CHCHD3: variants seen among roughly 807,000 people sequenced by gnomAD.
CHCHD3 encodes MICOS complex subunit MIC19.
CHCHD3 carries 20 observed loss-of-function variants against 38.2 expected under a neutral mutation model. The observed-to-expected ratio is 0.52, with a 90% CI of 0.37 to 0.76. The LOEUF (loss-of-function observed/expected upper bound fraction) is 0.76, where lower values mean the gene tolerates loss of function less well. Ranked by LOEUF, CHCHD3 falls within the 30% of genes least tolerant of loss-of-function variation. CHCHD3 has a pLI of 0.00. For missense variants in CHCHD3, 245 were observed against 279.2 expected (o/e 0.88, Z 0.87); for synonymous variants, 82 against 100.0 (o/e 0.82, Z 1.07).
At chr7:132,990,668 C>T (rs116541326) in intron 3 of CHCHD3, among the ~76,000 whole-genome samples, 120 of 152,170 alleles carry the variant, frequency 7.9e-4, no homozygotes, top group African/African-American at 2.8e-3. Context: ...TTTGCACTTA[C>T]GTTTCTTTTT....
At chr7:132,813,011 A>AT (rs55749035) in intron 6 of CHCHD3, among the ~76,000 whole-genome samples, 152,347 of 152,348 alleles carry the variant, frequency 1, 76,173 homozygotes, top group Middle Eastern at 1. Context: ...CTCTCATAGC[A>AT]TTGACAGCAC....
intron 4 of CHCHD3, among the ~76,000 whole-genome samples, chr7:132,931,575 C>T (rs887831752): frequency 1.3e-5 from 2 of 151,988 alleles, no homozygotes; most frequent in Non-Finnish European, 2.9e-5. Context: ...TACTTTTTAG[C>T]CTTCCGTATA....
chr7:132,907,076 A>G (rs770309586), intron 4 of CHCHD3, among the ~76,000 whole-genome samples: 1 of 152,252 alleles, frequency 6.6e-6, no homozygotes, highest in Non-Finnish European at 1.5e-5. Context: ...AAAATAATTT[A>G]CACACCTGAA....
intron 2 of CHCHD3, 57 bp downstream of exon 2, chr7:133,070,085 A>T (rs1482997495): frequency 7.4e-7 from 1 of 1,347,338 alleles, no homozygotes; most frequent in Non-Finnish European, 1.0e-6. Flanking sequence ...TATTGAGTCA[A>T]CTTTTTCCAC....
At position 132,953,690 on chromosome 7, in the gene CHCHD3, C is replaced by T. The variant is rs1811087363; in HGVS notation, c.369+21479G>A. ...AGTGAGCTCCTGTTGCATGTAAATC[C>T]CAGTATGGAAATGCAAGTATAAATA... On this transcript the variant is annotated intron_variant, in intron 4 of 7. Transcript: ENST00000262570. Among the ~76,000 whole-genome samples, 4 of 152,146 alleles carry T rather than the reference C, an allele frequency of 2.6e-5. 1 individual carries two copies. The highest frequency in any genetic ancestry group is 2.6e-4 in the Admixed American group (4 of 15,278).
intron 4 of CHCHD3, among the ~76,000 whole-genome samples, chr7:132,925,094 G>A (rs1810343623): frequency 6.6e-6 from 1 of 152,182 alleles, no homozygotes; most frequent in African/African-American, 2.4e-5. Context: ...GGAAATAGGT[G>A]AGGGAGCTTT....
intron 4 of CHCHD3, among the ~76,000 whole-genome samples, chr7:132,961,026 C>T (rs867185746): frequency 1.8e-4 from 27 of 152,250 alleles, no homozygotes; most frequent in African/African-American, 6.0e-4. Flanking sequence ...CACCTGTCAT[C>T]CCAGCACTTT....
At chr7:133,063,566 G>C (rs536830873) in intron 2 of CHCHD3, among the ~76,000 whole-genome samples, 2 of 152,244 alleles carry the variant, frequency 1.3e-5, no homozygotes, top group African/African-American at 4.8e-5. Context: ...TTATGGGGCT[G>C]CTTCTTTACT....
chr7:132,838,771 T>C (rs1807861531), intron 5 of CHCHD3, among the ~76,000 whole-genome samples: 1 of 152,372 alleles, frequency 6.6e-6, no homozygotes, highest in Middle Eastern at 3.4e-3. Flanking sequence ...TTGCCATTAT[T>C]TGGAATCTAC....
At chr7:132,869,462 T>C (rs1808712867) in intron 5 of CHCHD3, among the ~76,000 whole-genome samples, 1 of 152,210 alleles carries the variant, frequency 6.6e-6, no homozygotes, top group Non-Finnish European at 1.5e-5. Context: ...AACCAGCCTC[T>C]GCTCAAAAGA....
chr7:132,798,079 C>T (rs993649873), intron 6 of CHCHD3, among the ~76,000 whole-genome samples: 6 of 152,096 alleles, frequency 3.9e-5, no homozygotes, highest in African/African-American at 7.2e-5. Context: ...AATAAGGAAA[C>T]GCCTGGGTGA....
At chr7:132,884,017 C>T (rs922715939) in intron 5 of CHCHD3, among the ~76,000 whole-genome samples, 1 of 152,108 alleles carries the variant, frequency 6.6e-6, no homozygotes, top group Non-Finnish European at 1.5e-5. Flanking sequence ...TTTAAAATAC[C>T]GAACCACATT....
chr7:132,972,965 T>C lies in CHCHD3; in HGVS notation c.369+2204A>G, dbSNP rs955242243. ...GGTAAAACAGAACAGACTGCAGATA[T>C]GCTATTCCAATCAAAACATGTTGCT... On this transcript the variant is annotated intron_variant, in intron 4 of 7. Coordinates refer to ENST00000262570, the MANE Select transcript of CHCHD3 (RefSeq NM_017812.4). 25 of 985,334 alleles carry C rather than the reference T, an allele frequency of 2.5e-5. No individual in the cohort carries two copies. In the South Asian group the frequency reaches 5.2e-4, roughly 20 times the overall value. The allele number at this position is 985,334 out of a possible 1,614,324, so 61.0% of individuals were successfully genotyped here.
chr7:132,897,060 TAC>T (rs1809519529), intron 4 of CHCHD3, among the ~76,000 whole-genome samples: 1 of 152,230 alleles, frequency 6.6e-6, no homozygotes, highest in Non-Finnish European at 1.5e-5. Context: ...CTGTTGTGAG[TAC>T]AGAGTGGGAA....
At chr7:132,852,477 C>A (rs1473730484) in intron 5 of CHCHD3, among the ~76,000 whole-genome samples, 1 of 152,134 alleles carries the variant, frequency 6.6e-6, no homozygotes, top group Non-Finnish European at 1.5e-5. Context: ...AAGGTCCATC[C>A]TATTGACCGA....
At chr7:132,882,704 T>C in intron 5 of CHCHD3, among the ~76,000 whole-genome samples, 1 of 152,062 alleles carries the variant, frequency 6.6e-6, no homozygotes, top group East Asian at 1.9e-4. Context: ...CAGTGCCTTT[T>C]CTTGAACCTG....
intron 5 of CHCHD3, among the ~76,000 whole-genome samples, chr7:132,843,813 A>G (rs985367077): frequency 5.4e-5 from 8 of 147,042 alleles, no homozygotes; most frequent in African/African-American, 1.9e-4. Context: ...AGTAGGATAT[A>G]TATCAATTTG....
intron 3 of CHCHD3, among the ~76,000 whole-genome samples, chr7:132,997,894 T>A (rs1239934393): frequency 6.6e-6 from 1 of 152,202 alleles, no homozygotes; most frequent in Non-Finnish European, 1.5e-5. Flanking sequence ...ACTGTCATTT[T>A]ATATGCAGCT....
intron 3 of CHCHD3, among the ~76,000 whole-genome samples, chr7:132,999,789 T>G (rs1007580271): frequency 6.6e-5 from 10 of 152,186 alleles, no homozygotes; most frequent in African/African-American, 1.9e-4. Flanking sequence ...CATATTTTGA[T>G]AGTTCACAAA....
Sources: gnomAD v4.1 joint callset for allele counts (sites outside exome capture counted in the v4.1 genomes callset) on GRCh38, gnomAD v4.1.1 for gene constraint, MANE v1.5 for transcripts, NCBI Gene and HGNC (gene_info 2026-07-23, HGNC 2026-07-21) for gene names.